The following LDLRAD3 variants were observed in gnomAD, a reference collection of about 807,000 sequenced individuals.
The protein encoded by LDLRAD3 is low-density lipoprotein receptor class A domain-containing protein 3.
A neutral mutation model predicts 29.4 loss-of-function variants in LDLRAD3; 20 were observed. The observed-to-expected ratio is 0.68, with a 90% CI of 0.48 to 0.99. The LOEUF (loss-of-function observed/expected upper bound fraction) is 0.99. LDLRAD3 is among the 50% of genes least tolerant of loss of function. LDLRAD3 has a pLI of 0.00. For missense variants in LDLRAD3, 420 were observed against 454.3 expected (o/e 0.92, Z 0.69); for synonymous variants, 157 against 192.7 (o/e 0.81, Z 1.53).
chr11:36,026,302 A>G (rs575496674), intron 1 of LDLRAD3, among the ~76,000 whole-genome samples: 21 of 152,252 alleles, frequency 1.4e-4, no homozygotes, highest in Non-Finnish European at 2.6e-4. Flanking sequence ...TTTCTCATCC[A>G]TTCTCCTTTT....
At chr11:36,048,980 G>A (rs1852491141) in intron 2 of LDLRAD3, among the ~76,000 whole-genome samples, 1 of 152,132 alleles carries the variant, frequency 6.6e-6, no homozygotes, top group African/African-American at 2.4e-5. Flanking sequence ...TCAGCACTGT[G>A]TGCTGCCTTT....
chr11:36,052,360 A>G (rs899555696), intron 2 of LDLRAD3, among the ~76,000 whole-genome samples: 1 of 152,226 alleles, frequency 6.6e-6, no homozygotes, highest in Admixed American at 6.5e-5. Context: ...TCTTGTTGCA[A>G]TGCCCATGAG....
At chr11:36,085,476 A>T (rs1020861462) in intron 3 of LDLRAD3, among the ~76,000 whole-genome samples, 1 of 151,666 alleles carries the variant, frequency 6.6e-6, no homozygotes, top group African/African-American at 2.4e-5. Context: ...TTTGCTATAC[A>T]TGTTCAGCTA....
chr11:36,179,039 G>A (rs999631046), intron 4 of LDLRAD3, among the ~76,000 whole-genome samples: 22 of 152,330 alleles, frequency 1.4e-4, no homozygotes, highest in African/African-American at 5.1e-4. Context: ...AGCAGGACCT[G>A]TCTCTGTAAT....
At chr11:35,981,897 C>G (rs1851547271) in intron 1 of LDLRAD3, among the ~76,000 whole-genome samples, 3 of 152,144 alleles carry the variant, frequency 2.0e-5, no homozygotes, top group Admixed American at 2.0e-4. Context: ...TTGGTTCTTC[C>G]ACTGAAAACT....
chr11:36,059,490 A>G (rs942031647), intron 2 of LDLRAD3, among the ~76,000 whole-genome samples: 1 of 151,920 alleles, frequency 6.6e-6, no homozygotes, highest in Admixed American at 6.6e-5. Flanking sequence ...TCTCTGATTC[A>G]TTGTACCCTC....
At chr11:35,989,180 G>A (rs7118934) in intron 1 of LDLRAD3, among the ~76,000 whole-genome samples, 4,278 of 152,248 alleles carry the variant, frequency 0.028, 181 homozygotes, top group African/African-American at 0.097. Flanking sequence ...TCAGATGGCT[G>A]TAGGTGTGCA....
chr11:35,949,023 T>G (rs1312060670), intron 1 of LDLRAD3, among the ~76,000 whole-genome samples: 1 of 151,780 alleles, frequency 6.6e-6, no homozygotes, highest in African/African-American at 2.4e-5. Context: ...ATCATTACTG[T>G]GCATCATTAC....
chr11:36,020,068 A>G (rs1852076060), intron 1 of LDLRAD3, among the ~76,000 whole-genome samples: 2 of 152,054 alleles, frequency 1.3e-5, no homozygotes, highest in Admixed American at 1.3e-4. Flanking sequence ...TATCACATGC[A>G]AAGTCCTTGT....
chr11:36,168,094 C>T (rs1021827954), intron 4 of LDLRAD3, among the ~76,000 whole-genome samples: 1 of 152,138 alleles, frequency 6.6e-6, no homozygotes, highest in Non-Finnish European at 1.5e-5. Flanking sequence ...CAGGGCAGCC[C>T]GGTGACAAAT....
chr11:36,016,986 G>A (rs528423666), intron 1 of LDLRAD3, among the ~76,000 whole-genome samples: 1 of 152,284 alleles, frequency 6.6e-6, no homozygotes, highest in South Asian at 2.1e-4. Context: ...CTCAACATAA[G>A]CTTCATCAAG....
At chr11:36,157,209 C>T (rs747347854) in intron 4 of LDLRAD3, among the ~76,000 whole-genome samples, 2 of 152,212 alleles carry the variant, frequency 1.3e-5, no homozygotes, top group Non-Finnish European at 2.9e-5. Flanking sequence ...CAGTTTCCTG[C>T]ACCCCCGAAA....
At position 36,064,742 on chromosome 11, in the gene LDLRAD3, C is replaced by T. The variant is rs147471468; in HGVS notation, c.194-16911C>T. On this transcript the variant is annotated intron_variant, in intron 2 of 5. Coordinates refer to ENST00000315571, the MANE Select transcript of LDLRAD3 (RefSeq NM_174902.4). ...ATATTGTGCTTTTGTTTTCATTCATCTCAAATTATTTTTTAATTTTATTTT... is the reference window on the plus strand; with the variant it reads ...ATATTGTGCTTTTGTTTTCATTCATTTCAAATTATTTTTTAATTTTATTTT... Among the ~76,000 whole-genome samples the T allele has an allele frequency of 7.4e-3, 1,129 of 152,230 alleles. 15 individuals carry two copies. The highest frequency in any genetic ancestry group is 0.026 in the African/African-American group (1,080 of 41,542).
chr11:36,186,850 A>G (rs559023722), intron 4 of LDLRAD3, among the ~76,000 whole-genome samples: 3 of 152,196 alleles, frequency 2.0e-5, no homozygotes, highest in Non-Finnish European at 2.9e-5. Context: ...CAGAAGTCAT[A>G]GCCTGTATAC....
At chr11:36,000,270 T>G (rs1851807094) in intron 1 of LDLRAD3, among the ~76,000 whole-genome samples, 1 of 148,656 alleles carries the variant, frequency 6.7e-6, no homozygotes, top group Admixed American at 6.7e-5. Flanking sequence ...GTGTAATATA[T>G]GTATATATAA....
intron 1 of LDLRAD3, chr11:35,997,269 G>T: frequency 2.8e-6 from 1 of 356,846 alleles, no homozygotes; most frequent in East Asian, 7.7e-5. Context: ...CTCACAGACT[G>T]GGCAGTTCCC....
At chr11:36,115,780 C>CCTTT (rs1853666236) in intron 4 of LDLRAD3, among the ~76,000 whole-genome samples, 1 of 152,150 alleles carries the variant, frequency 6.6e-6, no homozygotes, top group Non-Finnish European at 1.5e-5. Flanking sequence ...GCCTGAGATA[C>CCTTT]CTTTACTTTC....
At chr11:36,094,895 GT>G (rs1445863362) in intron 3 of LDLRAD3, among the ~76,000 whole-genome samples, 2 of 152,120 alleles carry the variant, frequency 1.3e-5, no homozygotes, top group Non-Finnish European at 2.9e-5. Context: ...AAACATTTTT[GT>G]TTCTTCAAGA....
At chr11:36,013,651 G>A (rs1297092506) in intron 1 of LDLRAD3, among the ~76,000 whole-genome samples, 3 of 152,072 alleles carry the variant, frequency 2.0e-5, no homozygotes, top group Non-Finnish European at 2.9e-5. Flanking sequence ...TCTTTTTTAT[G>A]GCTGCATAGT....
Sources: gnomAD v4.1 joint callset for allele counts (sites outside exome capture counted in the v4.1 genomes callset) on GRCh38, gnomAD v4.1.1 for gene constraint, MANE v1.5 for transcripts, NCBI Gene and HGNC (gene_info 2026-07-23, HGNC 2026-07-21) for gene names.